Variants in SPRY3 observed in about 807,000 individuals in gnomAD.
SPRY3 encodes the protein protein sprouty homolog 3.
Under a neutral mutation model 20.2 loss-of-function variants are expected in SPRY3, and 15 were observed. The ratio of observed to expected loss-of-function variants is 0.74; its 90% confidence interval spans 0.50 to 1.14. The LOEUF is 1.14. SPRY3 is among the 50% of genes most tolerant of loss of function. The pLI, the probability that SPRY3 is intolerant of heterozygous loss-of-function variation, is 0.00. For synonymous variants in SPRY3, 143 were observed against 136.5 expected, an observed-to-expected ratio of 1.05 and a Z score of -0.33; for missense variants, 364 against 363.9, an observed-to-expected ratio of 1.00 and a Z score of 0.00.
At chrX:155,688,312 T>TA (rs2068093778) in intron 2 of SPRY3, among the ~76,000 whole-genome samples, 5 of 110,769 alleles carry the variant, frequency 4.5e-5, no homozygotes, top group Admixed American at 1.9e-4. Context: ...TTATTCCATG[T>TA]CTTTGCTATT....
intron 3 of SPRY3, among the ~76,000 whole-genome samples, chrX:155,768,916 C>T (rs1397769629): frequency 6.6e-6 from 1 of 152,220 alleles, no homozygotes; most frequent in Non-Finnish European, 1.5e-5. Context: ...AGACCTTGAA[C>T]TCTTAAGCAG....
At chrX:155,665,327 T>C (rs2068021400) in intron 2 of SPRY3, among the ~76,000 whole-genome samples, 1 of 111,276 alleles carries the variant, frequency 9.0e-6, no homozygotes, top group Non-Finnish European at 1.9e-5. Context: ...CTAATAAATA[T>C]AGAGATATAC....
intron 1 of SPRY3, among the ~76,000 whole-genome samples, chrX:155,641,724 T>C (rs1557351460): frequency 8.7e-6 from 1 of 115,094 alleles, no homozygotes; most frequent in Non-Finnish European, 1.9e-5. Context: ...TGCAGCGGCA[T>C]GGCAAAGGAG....
chrX:155,748,621 C>G (rs975493064), intron 2 of SPRY3, among the ~76,000 whole-genome samples: 1 of 151,744 alleles, frequency 6.6e-6, no homozygotes, highest in Non-Finnish European at 1.5e-5. Context: ...ACGAAGACTT[C>G]TAAAGGAAGA....
At chrX:155,685,501 T>C (rs1178008754) in intron 2 of SPRY3, among the ~76,000 whole-genome samples, 2 of 109,300 alleles carry the variant, frequency 1.8e-5, no homozygotes, top group Admixed American at 2.0e-4. Flanking sequence ...GTACATATTA[T>C]TTCCTCACCC....
intron 2 of SPRY3, among the ~76,000 whole-genome samples, chrX:155,713,037 G>A (rs1433219687): frequency 6.6e-6 from 1 of 151,822 alleles, no homozygotes; most frequent in Non-Finnish European, 1.5e-5. Context: ...TTACTGTACT[G>A]TCTGTGTCTT....
chrX:155,635,562 C>T (rs910774176), intron 1 of SPRY3, among the ~76,000 whole-genome samples: 1 of 111,562 alleles, frequency 9.0e-6, no homozygotes, highest in African/African-American at 3.3e-5. Flanking sequence ...AGGATATGAA[C>T]AGACCCTTCC....
downstream of SPRY3, chrX:155,781,373 T>G (rs1334839186): frequency 6.0e-6 from 1 of 166,962 alleles, no homozygotes; most frequent in African/African-American, 2.4e-5. Context: ...GTCAGAATCT[T>G]TGGAGGTGTT....
intron 1 of SPRY3, among the ~76,000 whole-genome samples, chrX:155,622,598 A>G (rs1290661128): frequency 1.8e-5 from 2 of 112,427 alleles, no homozygotes; most frequent in African/African-American, 6.5e-5. Flanking sequence ...TTTGTGCAGA[A>G]AGCAGTACTT....
downstream of SPRY3, chrX:155,778,718 G>A (rs1366841140): frequency 6.0e-6 from 1 of 166,962 alleles, no homozygotes; most frequent in Admixed American, 6.6e-5. Flanking sequence ...CTTTAACTTG[G>A]CCAAAGGACC....
intron 2 of SPRY3, among the ~76,000 whole-genome samples, chrX:155,697,199 T>C (rs2068121617): frequency 9.0e-6 from 1 of 111,140 alleles, no homozygotes; most frequent in East Asian, 2.8e-4. Flanking sequence ...AATAAAAATA[T>C]TGCCCTTCCC....
chrX:155,777,879 A>G (rs2091439341), downstream of SPRY3: 1 of 166,522 alleles, frequency 6.0e-6, no homozygotes, highest in East Asian at 1.9e-4. Context: ...TACATTTCAT[A>G]TGATATCAGC....
intron 2 of SPRY3, among the ~76,000 whole-genome samples, chrX:155,726,486 T>G (rs1185721958): frequency 6.6e-6 from 1 of 152,202 alleles, no homozygotes; most frequent in Non-Finnish European, 1.5e-5. Context: ...GGACTTGCTT[T>G]ATGAGTCTGG....
At chrX:155,713,219 A>G (rs1403983263) in intron 2 of SPRY3, among the ~76,000 whole-genome samples, 1 of 152,024 alleles carries the variant, frequency 6.6e-6, no homozygotes, top group Non-Finnish European at 1.5e-5. Context: ...TATTCTTTCT[A>G]TGTAAGTTAA....
chrX:155,622,321 T>G lies in SPRY3; in HGVS notation c.-441+9674T>G, dbSNP rs781910087. 2.7e-5 allele frequency among the ~76,000 whole-genome samples: 3 copies of G among 112,140 alleles called. No homozygotes were observed. In the South Asian group the frequency reaches 1.1e-3, roughly 41 times the overall value. On this transcript the variant is annotated intron_variant, in intron 1 of 3. Transcript: ENST00000675360. The stretch of plus-strand genomic sequence containing the variant: ...TTGAAAACAAACCACTACCTGCAGT[T>G]AAAGTGAGAACTCCATGCTGTAAAA...
intron 2 of SPRY3, among the ~76,000 whole-genome samples, chrX:155,730,193 C>T (rs1366232184): frequency 2.6e-5 from 4 of 152,032 alleles, no homozygotes; most frequent in Non-Finnish European, 4.4e-5. Flanking sequence ...TTCTATGAGC[C>T]ATATTGCTCT....
intron 1 of SPRY3, among the ~76,000 whole-genome samples, chrX:155,627,651 A>AT (rs782113509): frequency 1.0e-3 from 111 of 110,574 alleles, no homozygotes; most frequent in Non-Finnish European, 1.6e-3. Flanking sequence ...TTCTTTTTTA[A>AT]TTTTTTTAAT....
At chrX:155,713,546 T>C (rs943440441) in intron 2 of SPRY3, among the ~76,000 whole-genome samples, 1 of 152,188 alleles carries the variant, frequency 6.6e-6, no homozygotes, top group African/African-American at 2.4e-5. Flanking sequence ...CCTGTAAGGT[T>C]TCCACTGAAA....
intron 2 of SPRY3, among the ~76,000 whole-genome samples, chrX:155,741,575 A>C (rs939649160): frequency 1.3e-5 from 2 of 152,092 alleles, no homozygotes; most frequent in Admixed American, 1.3e-4. Context: ...GGTCAAAATG[A>C]GAGAAAAAAT....
Sources: allele counts gnomAD v4.1 joint callset (sites outside exome capture counted in the v4.1 genomes callset), GRCh38; gene constraint gnomAD v4.1.1; transcripts MANE v1.5; gene names NCBI Gene and HGNC (gene_info 2026-07-23, HGNC 2026-07-21).